Variants in TFB1M observed in about 807,000 individuals in gnomAD.
The protein encoded by TFB1M is transcription factor B1, mitochondrial.
TFB1M carries 27 observed loss-of-function variants against 31.1 expected under a neutral mutation model. That is an observed-to-expected ratio of 0.87 (90% CI 0.64 to 1.20). The LOEUF (loss-of-function observed/expected upper bound fraction) is 1.20, where lower values mean the gene tolerates loss of function less well. Ranked by LOEUF, TFB1M falls within the 50% of genes most tolerant of loss-of-function variation. The pLI is 0.00. For synonymous variants in TFB1M, 166 were observed against 151.8 expected, an observed-to-expected ratio of 1.09 and a Z score of -0.69; for missense variants, 394 against 418.7, an observed-to-expected ratio of 0.94 and a Z score of 0.51.
At chr6:155,304,812 T>G (rs1777595945) in intron 2 of TFB1M, among the ~76,000 whole-genome samples, 1 of 151,756 alleles carries the variant, frequency 6.6e-6, no homozygotes, top group Non-Finnish European at 1.5e-5. Context: ...AAATGAAGGC[T>G]TTTTCAGTCT....
intron 2 of TFB1M, among the ~76,000 whole-genome samples, chr6:155,310,385 A>G (rs1476658792): frequency 2.0e-5 from 3 of 152,200 alleles, no homozygotes; most frequent in Non-Finnish European, 4.4e-5. Context: ...ACTGTTTGCC[A>G]GCGTTTTAAA....
At chr6:155,277,854 C>G (rs991727802) in intron 5 of TFB1M, among the ~76,000 whole-genome samples, 2 of 152,144 alleles carry the variant, frequency 1.3e-5, no homozygotes, top group Non-Finnish European at 2.9e-5. Flanking sequence ...CTGCTTTGAT[C>G]CCATTAATAG....
intron 1 of TFB1M, 135 bp from the exon 2 acceptor site, chr6:155,311,474 C>T: frequency 2.7e-6 from 2 of 747,544 alleles, no homozygotes; most frequent in South Asian, 3.2e-5. Context: ...ATTTATTTGA[C>T]TATTTAACTC....
the TFB1M span, among the ~76,000 whole-genome samples, chr6:155,241,716 G>A: frequency 2.7e-4 from 41 of 152,262 alleles, no homozygotes; most frequent in Non-Finnish European, 2.6e-4. Context: ...GGAAAGTTAG[G>A]AGAGATGACA....
intron 4 of TFB1M, among the ~76,000 whole-genome samples, chr6:155,290,309 C>G (rs1776852450): frequency 6.8e-6 from 1 of 147,942 alleles, no homozygotes; most frequent in Non-Finnish European, 1.5e-5. Flanking sequence ...TGGCATGAAC[C>G]CGGGAGGCGG....
the TFB1M span, among the ~76,000 whole-genome samples, chr6:155,230,490 A>G: frequency 2.0e-5 from 3 of 152,186 alleles, no homozygotes; most frequent in African/African-American, 7.2e-5. Flanking sequence ...GGCACTGGTC[A>G]CCTTTGAATG....
chr6:155,304,454 A>G (rs1403616856), intron 2 of TFB1M, among the ~76,000 whole-genome samples: 1 of 152,206 alleles, frequency 6.6e-6, no homozygotes, highest in Non-Finnish European at 1.5e-5. Flanking sequence ...CTCCTACCTT[A>G]AACCAATTTA....
chr6:155,293,157 T>TCATACATA (rs56359910), intron 4 of TFB1M, among the ~76,000 whole-genome samples: 26,807 of 151,232 alleles, frequency 0.18, 2,635 homozygotes, highest in African/African-American at 0.24. Context: ...ACTTTAAATA[T>TCATACATA]CATACATACA....
intron 2 of TFB1M, among the ~76,000 whole-genome samples, chr6:155,303,970 A>G (rs9371371): frequency 0.54 from 81,439 of 152,024 alleles, 22,737 homozygotes; most frequent in East Asian, 0.81. Flanking sequence ...GCTCAATCCC[A>G]TGAACTTTCC....
intron 5 of TFB1M, among the ~76,000 whole-genome samples, chr6:155,268,362 C>T (rs547366138): frequency 6.0e-4 from 91 of 152,302 alleles, no homozygotes; most frequent in African/African-American, 2.1e-3. Context: ...TCCCCTTAAC[C>T]CTGATCCCCA....
At chr6:155,302,613 A>T (rs1212093106) in intron 2 of TFB1M, among the ~76,000 whole-genome samples, 1 of 152,190 alleles carries the variant, frequency 6.6e-6, no homozygotes, top group Admixed American at 6.5e-5. Flanking sequence ...TTATGAACAG[A>T]GCAAAAACAA....
rs575141152 is a variant in TFB1M at position 155,262,061 on chromosome 6, C to T, written c.667-1661G>A. Among the ~76,000 whole-genome samples, 19 of 152,302 alleles carry T rather than the reference C, an allele frequency of 1.2e-4. No individual in the cohort carries two copies. In the East Asian group the frequency reaches 2.3e-3, roughly 19 times the overall value. On this transcript the variant is annotated intron_variant, in intron 5 of 6. Transcript: ENST00000367166. ...GGACTTCCCTTAGACTTTAACAAAA[C>T]GCACCATAGAACAGTGCCCAGCTTG...
Position 155,257,301 on chromosome 6 carries a change from C to T in TFB1M, c.*535G>A, listed in dbSNP as rs1463284549. ...ATTTTAATTTATTGTGGATCAGAAA[C>T]CTAGATGAAACTGGTCAGAATCTGT... On this transcript the variant is annotated 3_prime_UTR_variant, in exon 7 of 7. Coordinates refer to ENST00000367166, the MANE Select transcript of TFB1M (RefSeq NM_016020.4). 1 of 705,960 alleles carries T rather than the reference C, an allele frequency of 1.4e-6. No homozygotes were observed. Among genetic ancestry groups the T allele is most frequent in the East Asian group, 2.8e-5 (1 of 35,466 alleles). The allele number at this position is 705,960 out of a possible 1,614,324, so 43.7% of individuals were successfully genotyped here. A position where few individuals can be genotyped will look rare whatever the true frequency, so the allele number is the denominator to read the frequency against.
chr6:155,253,824 T>A, downstream of TFB1M: 1 of 588,594 alleles, frequency 1.7e-6, no homozygotes. Flanking sequence ...ACTGTGAAAA[T>A]CATACATAGA....
At chr6:155,281,309 T>A (rs555179749) in intron 5 of TFB1M, among the ~76,000 whole-genome samples, 1 of 152,328 alleles carries the variant, frequency 6.6e-6, no homozygotes, top group Non-Finnish European at 1.5e-5. Context: ...GTACTGGAAT[T>A]CCAGCAGGTC....
chr6:155,298,277 T>A (rs957586954), intron 3 of TFB1M, among the ~76,000 whole-genome samples, 200 bp downstream of exon 3: 1 of 152,134 alleles, frequency 6.6e-6, no homozygotes, highest in Non-Finnish European at 1.5e-5. Flanking sequence ...GACAAATGAA[T>A]TAGAACTAAA....
chr6:155,270,138 G>A (rs1235846395), intron 5 of TFB1M, among the ~76,000 whole-genome samples: 2 of 152,170 alleles, frequency 1.3e-5, no homozygotes, highest in Admixed American at 6.5e-5. Flanking sequence ...GATCTCAGGC[G>A]GCCAAATGGA....
At chr6:155,277,949 G>A (rs1407874448) in intron 5 of TFB1M, among the ~76,000 whole-genome samples, 2 of 152,090 alleles carry the variant, frequency 1.3e-5, no homozygotes, top group East Asian at 3.8e-4. Flanking sequence ...CTTTATATCT[G>A]CTATATCATT....
chr6:155,255,194 G>A (rs1783922554), downstream of TFB1M: 1 of 152,320 alleles, frequency 6.6e-6, no homozygotes, highest in Non-Finnish European at 1.5e-5. Context: ...AGCCGCAGTG[G>A]TTAGTAGGTA....
Sources: gnomAD v4.1 joint callset for allele counts (sites outside exome capture counted in the v4.1 genomes callset) on GRCh38, gnomAD v4.1.1 for gene constraint, MANE v1.5 for transcripts, NCBI Gene and HGNC (gene_info 2026-07-23, HGNC 2026-07-21) for gene names.